Variants in ZNF385D observed in about 807,000 individuals in gnomAD.
ZNF385D encodes the protein zinc finger protein 659.
Under a neutral mutation model 35.8 loss-of-function variants are expected in ZNF385D, and 15 were observed. That is an observed-to-expected ratio of 0.42 (90% CI 0.28 to 0.64). The LOEUF (loss-of-function observed/expected upper bound fraction) is 0.64. Among genes scored for constraint, ZNF385D ranks in the 30% least tolerant of loss-of-function variants. The pLI is 0.23. For synonymous variants in ZNF385D, 212 were observed against 186.8 expected (o/e 1.13, Z -1.10); for missense variants, 474 against 494.6 (o/e 0.96, Z 0.39).
At chr3:22,298,112 G>A (rs746601571) in intron 2 of ZNF385D, among the ~76,000 whole-genome samples, 3 of 151,756 alleles carry the variant, frequency 2.0e-5, no homozygotes, top group Admixed American at 6.6e-5. Context: ...TATAATCTTC[G>A]TGCTTTAAGA....
intron 1 of ZNF385D, among the ~76,000 whole-genome samples, chr3:21,747,141 T>C (rs2069814921): frequency 1.3e-5 from 2 of 152,158 alleles, no homozygotes; most frequent in Non-Finnish European, 2.9e-5. Context: ...TTTTCCTATT[T>C]TCCTTAGGCA....
At chr3:22,021,430 A>C (rs545309750) in intron 3 of ZNF385D, among the ~76,000 whole-genome samples, 2 of 152,108 alleles carry the variant, frequency 1.3e-5, no homozygotes, top group East Asian at 1.9e-4. Flanking sequence ...CCTAAAATAG[A>C]AACAATATTA....
intron 3 of ZNF385D, among the ~76,000 whole-genome samples, chr3:21,960,110 A>T (rs1201799294): frequency 6.6e-6 from 1 of 151,944 alleles, no homozygotes; most frequent in Non-Finnish European, 1.5e-5. Context: ...GATGAAAAAA[A>T]ATCTGTAGAA....
At chr3:22,029,635 T>G (rs1370572155) in intron 3 of ZNF385D, among the ~76,000 whole-genome samples, 1 of 152,208 alleles carries the variant, frequency 6.6e-6, no homozygotes, top group Non-Finnish European at 1.5e-5. Context: ...ACTAAGAAAA[T>G]GTCTTCCTTT....
At chr3:21,478,410 T>C (rs371441377) in intron 4 of ZNF385D, among the ~76,000 whole-genome samples, 9 of 152,250 alleles carry the variant, frequency 5.9e-5, no homozygotes, top group Admixed American at 2.6e-4. Context: ...TGAAGTAACA[T>C]AGATAATGTA....
chr3:22,178,893 G>T (rs1369908313), intron 2 of ZNF385D, among the ~76,000 whole-genome samples: 1 of 152,132 alleles, frequency 6.6e-6, no homozygotes, highest in Non-Finnish European at 1.5e-5. Context: ...TCAGATAGTT[G>T]TAGATATGTG....
chr3:22,086,322 T>A (rs1192313052), intron 3 of ZNF385D, among the ~76,000 whole-genome samples: 1 of 152,134 alleles, frequency 6.6e-6, no homozygotes, highest in Non-Finnish European at 1.5e-5. Flanking sequence ...TCAGCCCAAA[T>A]TCTCCTTAAG....
In ZNF385D at chr3:21,420,122, A is replaced by G. The variant is rs1020910520; in HGVS notation, c.*1092T>C. ...CAGCAGGTAATCTAAAAAACAAGAA[A>G]AACCCATAAAAATAGCTAATGCTTA... is the stretch of plus-strand genomic sequence containing the variant. On this transcript the variant is annotated 3_prime_UTR_variant, in exon 8 of 8. Transcript: ENST00000281523. 2 of 152,148 alleles carry G rather than the reference A, an allele frequency of 1.3e-5. No individual in the cohort carries two copies. Among genetic ancestry groups the G allele is most frequent in the African/African-American group, 4.8e-5 (2 of 41,446 alleles). 9.4% of individuals were successfully genotyped at this position (152,148 alleles called of 1,614,324 possible).
intron 2 of ZNF385D, among the ~76,000 whole-genome samples, chr3:21,630,588 A>G (rs2065253011): frequency 6.6e-6 from 1 of 152,080 alleles, no homozygotes; most frequent in Admixed American, 6.6e-5. Flanking sequence ...TATCATGTAC[A>G]CTTAGGCAGC....
At chr3:21,611,104 A>T (rs1490923005) in intron 2 of ZNF385D, among the ~76,000 whole-genome samples, 1 of 152,238 alleles carries the variant, frequency 6.6e-6, no homozygotes, top group Non-Finnish European at 1.5e-5. Flanking sequence ...TTACAATCTT[A>T]TGTGGCATAA....
intron 3 of ZNF385D, among the ~76,000 whole-genome samples, chr3:21,769,201 C>T (rs939666255): frequency 2.6e-5 from 4 of 151,970 alleles, no homozygotes; most frequent in African/African-American, 9.7e-5. Context: ...TCTCTCCACT[C>T]CTATTCAACA....
intron 2 of ZNF385D, among the ~76,000 whole-genome samples, chr3:22,185,746 G>A (rs1484722756): frequency 5.3e-5 from 8 of 152,180 alleles, no homozygotes; most frequent in Non-Finnish European, 1.2e-4. Flanking sequence ...GATTACAGGT[G>A]TGAGCCACCA....
At chr3:21,682,286 G>C (rs749214515) in intron 1 of ZNF385D, among the ~76,000 whole-genome samples, 1 of 133,626 alleles carries the variant, frequency 7.5e-6, no homozygotes, top group African/African-American at 2.8e-5. Flanking sequence ...ACTTATGAAA[G>C]ATGTACACAA....
chr3:21,635,654 A>G lies in ZNF385D; in HGVS notation c.165+29232T>C, dbSNP rs530208253. ...AGTGATTTGAGATTTTGTTGCATGCATCACCTGAGCAGTATACACTGAACC... is the reference window on the plus strand; with the variant it reads ...AGTGATTTGAGATTTTGTTGCATGCGTCACCTGAGCAGTATACACTGAACC... On this transcript the variant is annotated intron_variant, in intron 2 of 7. Transcript: ENST00000281523. Among the ~76,000 whole-genome samples, 29 of 152,142 alleles carry G rather than the reference A, an allele frequency of 1.9e-4. No individual in the cohort carries two copies. In the South Asian group the frequency reaches 3.3e-3, roughly 17 times the overall value.
intron 3 of ZNF385D, among the ~76,000 whole-genome samples, chr3:21,799,165 T>C (rs187631923): frequency 6.6e-6 from 1 of 152,224 alleles, no homozygotes; most frequent in Non-Finnish European, 1.5e-5. Flanking sequence ...CATACTCTGC[T>C]GCATGGATGC....
At chr3:21,804,289 G>A (rs562515544) in intron 3 of ZNF385D, among the ~76,000 whole-genome samples, 1 of 152,200 alleles carries the variant, frequency 6.6e-6, no homozygotes, top group South Asian at 2.1e-4. Context: ...TTTCTTATAT[G>A]ATAAAAAGTA....
intron 2 of ZNF385D, among the ~76,000 whole-genome samples, chr3:21,589,655 ACTC>A (rs950591434): frequency 5.3e-4 from 80 of 152,218 alleles, no homozygotes; most frequent in African/African-American, 1.9e-3. Context: ...AATATAAAGA[ACTC>A]CAACAATTCA....
intron 4 of ZNF385D, among the ~76,000 whole-genome samples, chr3:21,504,182 C>A (rs1056178412): frequency 2.0e-5 from 3 of 152,116 alleles, no homozygotes; most frequent in Non-Finnish European, 4.4e-5. Context: ...GGCTAATTAA[C>A]TCCTGATTGA....
intron 2 of ZNF385D, among the ~76,000 whole-genome samples, chr3:22,205,969 T>C (rs191496409): frequency 7.0e-4 from 107 of 151,992 alleles, no homozygotes; most frequent in African/African-American, 3.9e-4. Flanking sequence ...GAGTGGCTGA[T>C]TGTATTCAAA....
Sources: gnomAD v4.1 joint callset for allele counts (sites outside exome capture counted in the v4.1 genomes callset) on GRCh38, gnomAD v4.1.1 for gene constraint, MANE v1.5 for transcripts, NCBI Gene and HGNC (gene_info 2026-07-23, HGNC 2026-07-21) for gene names.